MMAA: variants seen among roughly 807,000 people sequenced by gnomAD.
The protein encoded by MMAA is metabolism of cobalamin associated A.
Under a neutral mutation model 45.0 loss-of-function variants are expected in MMAA, and 41 were observed. The ratio of observed to expected loss-of-function variants is 0.91; its 90% CI spans 0.71 to 1.18. The LOEUF is 1.18. Among genes scored for constraint, MMAA ranks in the 50% most tolerant of loss-of-function variants. The pLI is 0.00. For synonymous variants in MMAA, 154 were observed against 178.2 expected (o/e 0.86, Z 1.08); for missense variants, 460 against 495.7 (o/e 0.93, Z 0.68).
chr4:145,640,168 G>A (rs1017382614), intron 2 of MMAA, among the ~76,000 whole-genome samples: 2 of 151,848 alleles, frequency 1.3e-5, no homozygotes, highest in African/African-American at 2.4e-5. Context: ...GTGCAGTGGC[G>A]CGATCTCGGC....
chr4:145,643,032 T>C (rs1242605459), intron 3 of MMAA, among the ~76,000 whole-genome samples: 3 of 152,234 alleles, frequency 2.0e-5, no homozygotes, highest in African/African-American at 2.4e-5. Flanking sequence ...CATTGTACGT[T>C]GCACAGAATG....
At chr4:145,651,171 C>A (rs781028629) in intron 5 of MMAA, 24 bp downstream of exon 5, 96 of 1,582,626 alleles carry the variant, frequency 6.1e-5, no homozygotes, top group African/African-American at 1.9e-4. Context: ...TTTTTTCCCC[C>A]AAAAATATAA....
At chr4:145,645,870 T>G in intron 3 of MMAA, 116 bp from the exon 4 acceptor site, 2 of 899,274 alleles carry the variant, frequency 2.2e-6, no homozygotes, top group Non-Finnish European at 3.5e-6. Flanking sequence ...CTCAGTAATA[T>G]GAAATGCAGT....
At chr4:145,651,829 C>T (rs1466183776) in intron 5 of MMAA, among the ~76,000 whole-genome samples, 1 of 152,198 alleles carries the variant, frequency 6.6e-6, no homozygotes, top group Non-Finnish European at 1.5e-5. Flanking sequence ...AACTGTTCCA[C>T]CTCAGATCAT....
chr4:145,644,124 C>G lies in MMAA; in HGVS notation c.562+1639C>G, dbSNP rs1727865129. On this transcript the variant is annotated intron_variant, in intron 3 of 6. Coordinates refer to ENST00000649156, the MANE Select transcript of MMAA (RefSeq NM_172250.3). ...TTTTGTGCTTTAAATTCACAGACCCCCTGTGATAGCTTTGAGACCTTCGTG... is the reference window on the plus strand; with the variant it reads ...TTTTGTGCTTTAAATTCACAGACCCGCTGTGATAGCTTTGAGACCTTCGTG... 4.6e-5 allele frequency among the ~76,000 whole-genome samples: 7 copies of G among 152,208 alleles called. No homozygotes were observed. The South Asian group carries it at 1.5e-3, about 32-fold the overall frequency.
Position 145,639,277 on chromosome 4 carries a change from T to C in MMAA, c.138T>C (p.Ser46=), listed in dbSNP as rs34702224. The C allele has an allele frequency of 2.5e-3, 4,046 of 1,614,202 alleles. 71 individuals are homozygous for C. The African/African-American group carries it at 0.041, about 16-fold the overall frequency. The part of the protein sequence containing the change: ...SGIPCAQPFN[S]LGLHCTKWML... The stretch of plus-strand genomic sequence containing the variant: ...TCCCATGTGCTCAGCCGTTTAATTC[T>C]CTTGGACTCCATTGTACAAAGTGGA... Residue 46 remains serine, a synonymous_variant, in exon 2 of 7, where the codon TCT becomes TCC. Transcript: ENST00000649156.
At chr4:145,624,966 C>T in intron 1 of MMAA, 3 of 1,093,512 alleles carry the variant, frequency 2.7e-6, no homozygotes, top group Middle Eastern at 4.1e-4. Context: ...GGCTGGTTTC[C>T]CTGACAGTTG....
At chr4:145,637,978 C>A (rs977913150) in intron 1 of MMAA, among the ~76,000 whole-genome samples, 1 of 152,138 alleles carries the variant, frequency 6.6e-6, no homozygotes, top group African/African-American at 2.4e-5. Flanking sequence ...ATAGTGACCG[C>A]GGCTCATAAC....
intron 4 of MMAA, among the ~76,000 whole-genome samples, chr4:145,649,699 G>T (rs192010313): frequency 9.9e-5 from 15 of 152,268 alleles, no homozygotes; most frequent in Admixed American, 3.9e-4. Flanking sequence ...AGAAAATAGG[G>T]AAGAATAAAT....
At chr4:145,639,816 A>G (rs1727732319) in intron 2 of MMAA, 1 of 984,660 alleles carries the variant, frequency 1.0e-6, no homozygotes, top group Non-Finnish European at 1.2e-6. Flanking sequence ...TACTTTGGCA[A>G]GAATCTTGCT....
chr4:145,629,785 T>C (rs1734291530), intron 1 of MMAA, among the ~76,000 whole-genome samples: 1 of 152,208 alleles, frequency 6.6e-6, no homozygotes, highest in Non-Finnish European at 1.5e-5. Context: ...GGGAGACTCC[T>C]GTTTTTAAAA....
intron 2 of MMAA, among the ~76,000 whole-genome samples, chr4:145,640,337 T>G (rs143929050): frequency 0.016 from 2,411 of 152,180 alleles, 32 homozygotes; most frequent in Non-Finnish European, 0.025. Context: ...GGTCTTGAAC[T>G]CCTGACCTCA....
At chr4:145,651,203 A>G in intron 5 of MMAA, 56 bp downstream of exon 5, 1 of 1,467,304 alleles carries the variant, frequency 6.8e-7, no homozygotes, top group Middle Eastern at 1.7e-4. Flanking sequence ...CTGAAAATAA[A>G]AATTTCCAAT....
chr4:145,627,873 C>T (rs1045124591), intron 1 of MMAA, among the ~76,000 whole-genome samples: 66 of 152,096 alleles, frequency 4.3e-4, no homozygotes, highest in African/African-American at 1.6e-3. Flanking sequence ...TTTTGAACTT[C>T]AAATTTAACA....
At position 145,655,153 on chromosome 4, in the gene MMAA, C is replaced by A; in HGVS notation, c.976C>A (p.Arg326Ser). Residue 326 changes from arginine (R) to serine (S), a missense_variant, in exon 7 of 7, where the codon CGT becomes AGT. Physicochemically the swap from Arg to Ser is moderately radical, Grantham distance 110. Transcript: ENST00000649156. ...RSQVWKPKVI[R>S]ISARSGEGIS... ...GTTCTTCCCTTTTCGATAGGTAATT[C>A]GTATTTCTGCCCGAAGTGGAGAGGG... The A allele has an allele frequency of 6.2e-7, 1 of 1,613,892 alleles. No individual in the cohort carries two copies. The highest frequency in any genetic ancestry group is 1.1e-5 in the South Asian group (1 of 90,992).
rs7699187 is a variant in MMAA at position 145,658,042 on chromosome 4, T to C, written c.*2608T>C. 0.51 allele frequency: 77,932 copies of C among 151,926 alleles called. 21,341 individuals carry two copies. The highest frequency in any genetic ancestry group is 0.71 in the African/African-American group (29,499 of 41,436). 9.4% of individuals were successfully genotyped at this position (151,926 alleles called of 1,614,324 possible). On this transcript the variant is annotated 3_prime_UTR_variant, in exon 7 of 7. Transcript: ENST00000649156. ...TCTGGTCATTTAAAAGTGTGTGGCA[T>C]CTCCCCATCCCTCACTCTATCACTT...
chr4:145,658,351 C>T lies in MMAA; in HGVS notation c.*2917C>T, dbSNP rs1283588952. ...TGAGGATTAAACGAGTTACAGTGTC[C>T]ATCTTAAAAAGATAATTCTGAAAAA... On this transcript the variant is annotated 3_prime_UTR_variant, in exon 7 of 7. Transcript: ENST00000649156. 1 of 152,020 alleles carries T rather than the reference C, an allele frequency of 6.6e-6. No homozygotes were observed. The highest frequency in any genetic ancestry group is 1.5e-5 in the Non-Finnish European group (1 of 67,996). The allele number at this position is 152,020 out of a possible 1,614,324, so 9.4% of individuals were successfully genotyped here. A position where few individuals can be genotyped will look rare whatever the true frequency, so the allele number is the denominator to read the frequency against.
intron 2 of MMAA, among the ~76,000 whole-genome samples, chr4:145,641,940 A>C (rs1025331315): frequency 6.6e-6 from 1 of 152,186 alleles, no homozygotes; most frequent in Non-Finnish European, 1.5e-5. Flanking sequence ...ATCACTGGGA[A>C]TTTCTAGAAT....
At chr4:145,624,039 CAGG>C (rs1734144396) in intron 1 of MMAA, 1 of 765,364 alleles carries the variant, frequency 1.3e-6, no homozygotes, top group Non-Finnish European at 2.4e-6. Flanking sequence ...CAAAATTAGG[CAGG>C]AGAAGAACTA....
Sources: gnomAD v4.1 joint callset for allele counts (sites outside exome capture counted in the v4.1 genomes callset) on GRCh38, gnomAD v4.1.1 for gene constraint, MANE v1.5 for transcripts, NCBI Gene and HGNC (gene_info 2026-07-23, HGNC 2026-07-21) for gene names.